The following SEPTIN6 variants were observed in gnomAD, a reference collection of about 807,000 sequenced individuals.
SEPTIN6 encodes the protein septin-6.
In SEPTIN6, 8 loss-of-function variants were observed where a neutral mutation model predicts 33.6. That is an observed-to-expected ratio of 0.24 (90% CI 0.14 to 0.43). SEPTIN6 has a LOEUF of 0.43. Among genes scored for constraint, SEPTIN6 ranks in the 20% least tolerant of loss-of-function variants. The pLI, the probability that SEPTIN6 is intolerant of heterozygous loss-of-function variation, is 1.00. For missense variants in SEPTIN6, 250 were observed against 340.8 expected (o/e 0.73, Z 2.10); for synonymous variants, 131 against 140.0 (o/e 0.94, Z 0.45).
Position 119,618,138 on chromosome X carries a change from T to A in SEPTIN6, c.*1955A>T. On this transcript the variant is annotated 3_prime_UTR_variant, in exon 11 of 11. Transcript: ENST00000394610. Reference sequence around the variant, plus strand: ...TGACAGGCCTAACTCAGCATCTCTCTGAGCTACTGGCTGAGTATCTGAGCA... The same window carrying A: ...TGACAGGCCTAACTCAGCATCTCTCAGAGCTACTGGCTGAGTATCTGAGCA... 2 of 793,020 alleles carry A rather than the reference T, an allele frequency of 2.5e-6. No homozygotes were observed. Among genetic ancestry groups the A allele is most frequent in the Non-Finnish European group, 3.0e-6 (2 of 663,997 alleles). The allele number at this position is 793,020 out of a possible 1,213,427, so 65.4% of individuals were successfully genotyped here. A position where few individuals can be genotyped will look rare whatever the true frequency, so the allele number is the denominator to read the frequency against.
intron 6 of SEPTIN6, among the ~76,000 whole-genome samples, chrX:119,638,553 G>C (rs776753476): frequency 9.0e-6 from 1 of 111,639 alleles, no homozygotes; most frequent in East Asian, 2.8e-4. Flanking sequence ...GCAGAGAAGG[G>C]TCTGGGATAA....
chrX:119,628,739 C>T (rs2053903945), intron 9 of SEPTIN6: 1 of 111,113 alleles, frequency 9.0e-6, no homozygotes, highest in African/African-American at 3.3e-5. Context: ...ATCTCCTGAC[C>T]TTGTGATCTG....
At chrX:119,690,723 C>CAAAAAA (rs772333455) in intron 1 of SEPTIN6, among the ~76,000 whole-genome samples, 6 of 23,023 alleles carry the variant, frequency 2.6e-4, no homozygotes, top group Non-Finnish European at 4.5e-4. Context: ...GACTCCGTCT[C>CAAAAAA]AAAAAAAAAA....
chrX:119,674,304 G>A, intron 2 of SEPTIN6, among the ~76,000 whole-genome samples: 1 of 110,127 alleles, frequency 9.1e-6, no homozygotes, highest in Middle Eastern at 4.6e-3. Context: ...CTCCCAAGTA[G>A]CTGGGACTAC....
chrX:119,635,529 T>C (rs2054048266), intron 7 of SEPTIN6, among the ~76,000 whole-genome samples: 1 of 110,554 alleles, frequency 9.0e-6, no homozygotes. Context: ...GAGATAGGAA[T>C]AGAATCAGCC....
At chrX:119,630,635 C>T (rs766613119) in intron 8 of SEPTIN6, among the ~76,000 whole-genome samples, 2 of 111,544 alleles carry the variant, frequency 1.8e-5, no homozygotes, top group South Asian at 7.5e-4. Flanking sequence ...TCCCAGTAGT[C>T]GGCTCAATCC....
At chrX:119,676,570 G>A (rs2054845585) in intron 1 of SEPTIN6, among the ~76,000 whole-genome samples, 1 of 111,474 alleles carries the variant, frequency 9.0e-6, no homozygotes, top group Non-Finnish European at 1.9e-5. Flanking sequence ...AAGAGTTTGA[G>A]ACCAGCCTGG....
chrX:119,671,489 C>T (rs1434095700), intron 2 of SEPTIN6, among the ~76,000 whole-genome samples: 1 of 109,232 alleles, frequency 9.2e-6, no homozygotes, highest in African/African-American at 3.3e-5. Flanking sequence ...GGGGTTTCAC[C>T]GTGTTAGCCA....
At chrX:119,616,428 T>A (rs780051580), downstream of SEPTIN6, 14 of 435,495 alleles carry the variant, frequency 3.2e-5, no homozygotes, top group African/African-American at 3.1e-4. Flanking sequence ...CTTGGGTGAG[T>A]GGTCCTGTAG....
chrX:119,633,778 T>G (rs2054009060), intron 7 of SEPTIN6, among the ~76,000 whole-genome samples: 1 of 111,917 alleles, frequency 8.9e-6, no homozygotes, highest in Non-Finnish European at 1.9e-5. Context: ...AGAGGTGAGG[T>G]GTCTTACTCA....
At chrX:119,674,332 C>T (rs952105798) in intron 2 of SEPTIN6, among the ~76,000 whole-genome samples, 5 of 110,213 alleles carry the variant, frequency 4.5e-5, no homozygotes, top group African/African-American at 1.3e-4. Flanking sequence ...CGCCACCGTG[C>T]CCGGCTAATT....
At chrX:119,652,732 G>C (rs1450537028) in intron 4 of SEPTIN6, 122 bp downstream of exon 4, 1 of 541,837 alleles carries the variant, frequency 1.8e-6, no homozygotes, top group Admixed American at 3.8e-5. Context: ...CATCTTTATG[G>C]AGGGACAGGG....
intron 8 of SEPTIN6, among the ~76,000 whole-genome samples, chrX:119,630,294 C>A (rs1238140136): frequency 9.0e-6 from 1 of 111,583 alleles, no homozygotes; most frequent in African/African-American, 3.3e-5. Context: ...TGACTATGGT[C>A]AACCCAGTAT....
chrX:119,650,193 C>G, intron 4 of SEPTIN6, 95 bp from the exon 5 acceptor site: 1 of 902,715 alleles, frequency 1.1e-6, no homozygotes, highest in Non-Finnish European at 1.6e-6. Flanking sequence ...GAGGGAGCCG[C>G]TCAGCCCAGT....
At position 119,640,800 on chromosome X, in the gene SEPTIN6, G is replaced by C. The variant is rs762546702; in HGVS notation, c.691-12C>G. 1 of 1,187,538 alleles carries C rather than the reference G, an allele frequency of 8.4e-7. No homozygotes were observed. The highest frequency in any genetic ancestry group is 1.8e-5 in the African/African-American group (1 of 56,697). ...AACGGCAGGTGGGCCTGAAACCGAAGGCAAACGAAAGCTGAGAACTGCAGA... is the reference window on the plus strand; with the variant it reads ...AACGGCAGGTGGGCCTGAAACCGAACGCAAACGAAAGCTGAGAACTGCAGA... On this transcript the variant is annotated splice_polypyrimidine_tract_variant and intron_variant, in intron 5 of 10. Transcript: ENST00000394610.
chrX:119,678,498 G>A (rs773113171), intron 1 of SEPTIN6, among the ~76,000 whole-genome samples: 2 of 107,026 alleles, frequency 1.9e-5, no homozygotes, highest in African/African-American at 6.9e-5. Context: ...CAGCCTGGGC[G>A]ACAGAGCGAG....
chrX:119,640,543 G>C lies in SEPTIN6; in HGVS notation c.787+149C>G, dbSNP rs1409663063. The C allele has an allele frequency of 9.0e-6, 4 of 443,725 alleles. No homozygotes were observed. In the East Asian group the frequency reaches 1.1e-4, roughly 13 times the overall value. The allele number at this position is 443,725 out of a possible 1,213,427, so 36.6% of individuals were successfully genotyped here. A position where few individuals can be genotyped will look rare whatever the true frequency, so the allele number is the denominator to read the frequency against. On this transcript the variant is annotated intron_variant, in intron 6 of 10. Transcript: ENST00000394610. ...CCCAGTATGGAGCCAGAGTTAGCTT[G>C]CTAGTGACCCCTATGGCTATTTGGG...
intron 1 of SEPTIN6, among the ~76,000 whole-genome samples, chrX:119,678,780 T>G (rs1456356627): frequency 9.1e-6 from 1 of 110,226 alleles, no homozygotes; most frequent in Non-Finnish European, 1.9e-5. Flanking sequence ...GACTCAGAGT[T>G]GAGGTTTCCT....
intron 3 of SEPTIN6, 34 bp from the exon 4 acceptor site, chrX:119,653,074 G>A (rs367708896): frequency 7.8e-5 from 88 of 1,133,973 alleles, no homozygotes; most frequent in Middle Eastern, 2.7e-4. Context: ...GGCGGATCCC[G>A]TCAAAAACTT....
Sources: gnomAD v4.1 joint callset for allele counts (sites outside exome capture counted in the v4.1 genomes callset) on GRCh38, gnomAD v4.1.1 for gene constraint, MANE v1.5 for transcripts, NCBI Gene and HGNC (gene_info 2026-07-23, HGNC 2026-07-21) for gene names.